Variants in GRIK2 observed in about 807,000 individuals in gnomAD.
The protein encoded by GRIK2 is glutamate receptor ionotropic, kainate 2.
In GRIK2, 32 loss-of-function variants were observed where a neutral mutation model predicts 100.3. The observed-to-expected ratio is 0.32, with a 90% CI of 0.24 to 0.43. GRIK2 has a LOEUF of 0.43. Ranked by LOEUF, GRIK2 falls within the 20% of genes least tolerant of loss-of-function variation. The pLI is 1.00. For synonymous variants in GRIK2, 417 were observed against 389.4 expected (o/e 1.07, Z -0.83); for missense variants, 843 against 1,114.9 (o/e 0.76, Z 3.47).
chr6:101,547,767 C>T (rs1358314757), intron 2 of GRIK2, among the ~76,000 whole-genome samples: 1 of 151,494 alleles, frequency 6.6e-6, no homozygotes, highest in Non-Finnish European at 1.5e-5. Context: ...GTGAATAGTG[C>T]CGCAATAAAC....
chr6:101,822,783 C>T (rs985460251), intron 10 of GRIK2, among the ~76,000 whole-genome samples: 1 of 151,752 alleles, frequency 6.6e-6, no homozygotes, highest in Non-Finnish European at 1.5e-5. Flanking sequence ...GTTTATACAG[C>T]CTAAGTATTT....
Position 101,758,666 on chromosome 6 carries a change from A to T in GRIK2, c.952-40982A>T, listed in dbSNP as rs1208825624. 1.3e-5 allele frequency among the ~76,000 whole-genome samples: 2 copies of T among 152,192 alleles called. 1 individual carries two copies. Among genetic ancestry groups the T allele is most frequent in the Non-Finnish European group, 2.9e-5 (2 of 68,032 alleles). ...GTAAAATTTAATCCTGAACTGAGAGATTTATTAAATTTCACTCAGCAGAAT... is the reference window on the plus strand; with the variant it reads ...GTAAAATTTAATCCTGAACTGAGAGTTTTATTAAATTTCACTCAGCAGAAT... On this transcript the variant is annotated intron_variant, in intron 7 of 16. Coordinates refer to ENST00000369134, the MANE Select transcript of GRIK2 (RefSeq NM_021956.5).
chr6:101,818,094 G>A (rs1781744234), intron 9 of GRIK2, among the ~76,000 whole-genome samples: 1 of 152,202 alleles, frequency 6.6e-6, no homozygotes, highest in African/African-American at 2.4e-5. Flanking sequence ...ATCATCAAAT[G>A]TGGTTTATCT....
chr6:101,962,665 C>T (rs559866893), intron 14 of GRIK2, among the ~76,000 whole-genome samples: 10 of 152,274 alleles, frequency 6.6e-5, no homozygotes, highest in Admixed American at 2.6e-4. Flanking sequence ...CTCCATTTCA[C>T]ATTTTAATTC....
intron 2 of GRIK2, among the ~76,000 whole-genome samples, chr6:101,572,719 T>C (rs1020897939): frequency 6.7e-6 from 1 of 150,080 alleles, no homozygotes; most frequent in African/African-American, 2.4e-5. Flanking sequence ...TTTTCTACCA[T>C]AGAAATTATT....
At chr6:101,552,863 A>G (rs1414700512) in intron 2 of GRIK2, among the ~76,000 whole-genome samples, 1 of 152,198 alleles carries the variant, frequency 6.6e-6, no homozygotes, top group African/African-American at 2.4e-5. Flanking sequence ...AAGATGATCA[A>G]TAGGAAATAC....
chr6:101,552,973 A>C (rs1776580048), intron 2 of GRIK2, among the ~76,000 whole-genome samples: 1 of 152,184 alleles, frequency 6.6e-6, no homozygotes, highest in Admixed American at 6.5e-5. Context: ...ACTTGTAATC[A>C]TATTGAAAAT....
At chr6:101,769,514 C>A (rs1008966013) in intron 7 of GRIK2, among the ~76,000 whole-genome samples, 2 of 152,138 alleles carry the variant, frequency 1.3e-5, no homozygotes, top group African/African-American at 4.8e-5. Context: ...TGGACATACT[C>A]AGGTGCTATG....
At chr6:102,058,438 TAAAG>T (rs1771574799) in intron 16 of GRIK2, among the ~76,000 whole-genome samples, 1 of 139,256 alleles carries the variant, frequency 7.2e-6, no homozygotes, top group African/African-American at 2.5e-5. Context: ...AAAAGTATCA[TAAAG>T]AAACAAATTA....
At chr6:101,938,918 A>G (rs933506978) in intron 14 of GRIK2, among the ~76,000 whole-genome samples, 2 of 152,010 alleles carry the variant, frequency 1.3e-5, no homozygotes, top group African/African-American at 4.8e-5. Context: ...AGCCTATTGT[A>G]TACACCATAG....
intron 16 of GRIK2, chr6:102,064,011 A>C: frequency 6.5e-7 from 1 of 1,546,966 alleles, no homozygotes; most frequent in Non-Finnish European, 8.9e-7. Context: ...ACTGTTTAGT[A>C]ATCTTTTGAA....
At chr6:101,476,966 C>T (rs545983616) in intron 2 of GRIK2, among the ~76,000 whole-genome samples, 1 of 152,106 alleles carries the variant, frequency 6.6e-6, no homozygotes, top group African/African-American at 2.4e-5. Context: ...CAATGGTTTA[C>T]CATACCAGAG....
chr6:101,632,749 C>G (rs1780823526), intron 4 of GRIK2, among the ~76,000 whole-genome samples: 1 of 151,984 alleles, frequency 6.6e-6, no homozygotes, highest in African/African-American at 2.4e-5. Context: ...AAACTTTGAC[C>G]TTCTCCATGG....
At chr6:101,551,620 G>T (rs771560916) in intron 2 of GRIK2, among the ~76,000 whole-genome samples, 10 of 152,040 alleles carry the variant, frequency 6.6e-5, no homozygotes, top group Non-Finnish European at 1.3e-4. Context: ...CATGTGTCCC[G>T]CACTGTTCTG....
chr6:102,035,579 T>A lies in GRIK2; in HGVS notation c.2311+13T>A, dbSNP rs775428746. 1 of 1,418,828 alleles carries A rather than the reference T, an allele frequency of 7.0e-7. No individual in the cohort carries two copies. Among genetic ancestry groups the A allele is most frequent in the Non-Finnish European group, 1.0e-6 (1 of 1,004,728 alleles). The allele number at this position is 1,418,828 out of a possible 1,614,324, so 87.9% of individuals were successfully genotyped here. A position where few individuals can be genotyped will look rare whatever the true frequency, so the allele number is the denominator to read the frequency against. ...GGCACTCCCATGGGTAGGTTATATG[T>A]CAGCTCTTTGTTCTTTGTTCATTAA... On this transcript the variant is annotated intron_variant, in intron 15 of 16. Transcript: ENST00000369134.
intron 7 of GRIK2, among the ~76,000 whole-genome samples, chr6:101,705,372 C>T (rs927927232): frequency 2.6e-5 from 4 of 151,392 alleles, no homozygotes; most frequent in Admixed American, 1.3e-4. Flanking sequence ...TACAAAAATA[C>T]CAAAAGTTTA....
At chr6:101,588,821 T>C (rs1465502173) in intron 2 of GRIK2, among the ~76,000 whole-genome samples, 1 of 151,896 alleles carries the variant, frequency 6.6e-6, no homozygotes, top group African/African-American at 2.4e-5. Flanking sequence ...GAACTTAAAG[T>C]ATAATAAAAA....
Position 101,626,636 on chromosome 6 carries a change from T to G in GRIK2, c.540T>G (p.Thr180=), listed in dbSNP as rs1228152664. 1 of 1,612,544 alleles carries G rather than the reference T, an allele frequency of 6.2e-7. No homozygotes were observed. The highest frequency in any genetic ancestry group is 8.5e-7 in the Non-Finnish European group (1 of 1,178,992). ...KTVTVVYDDS[T]GLIRLQELIK... Reference sequence around the variant, plus strand: ...TCACGGTTGTGTATGATGACAGCACTGGTAAGAAAAATCAGTATCTTTTGG... The same window carrying G: ...TCACGGTTGTGTATGATGACAGCACGGGTAAGAAAAATCAGTATCTTTTGG... Residue 180 remains threonine, a splice_region_variant and synonymous_variant, in exon 4 of 17, where the codon ACT becomes ACG. Coordinates refer to ENST00000369134, the MANE Select transcript of GRIK2 (RefSeq NM_021956.5).
chr6:102,061,187 A>G (rs1201692525), intron 16 of GRIK2, among the ~76,000 whole-genome samples: 1 of 150,586 alleles, frequency 6.6e-6, no homozygotes, highest in East Asian at 1.9e-4. Context: ...ATGATAACCC[A>G]TACTCTTTGT....
Sources: gnomAD v4.1 joint callset for allele counts (sites outside exome capture counted in the v4.1 genomes callset) on GRCh38, gnomAD v4.1.1 for gene constraint, MANE v1.5 for transcripts, NCBI Gene and HGNC (gene_info 2026-07-23, HGNC 2026-07-21) for gene names.